Variants in VGLL3 observed in about 807,000 individuals in gnomAD.
VGLL3 encodes the protein vestigial like family member 3.
VGLL3 carries 18 observed loss-of-function variants against 29.2 expected under a neutral mutation model. The observed-to-expected ratio is 0.62, with a 90% CI of 0.43 to 0.91. The LOEUF is 0.91. VGLL3 is among the 40% of genes least tolerant of loss of function. The pLI is 0.00. For missense variants in VGLL3, 440 were observed against 413.2 expected (o/e 1.06, Z -0.56); for synonymous variants, 180 against 151.8 (o/e 1.19, Z -1.36).
intron 1 of VGLL3, among the ~76,000 whole-genome samples, chr3:86,986,230 G>A (rs1705438591): frequency 6.6e-6 from 1 of 152,076 alleles, no homozygotes; most frequent in South Asian, 2.1e-4. Flanking sequence ...AGATAAGGTA[G>A]AACTTCCTTG....
At position 86,990,866 on chromosome 3, in the gene VGLL3, G is replaced by A; in HGVS notation, c.-123C>T. On this transcript the variant is annotated 5_prime_UTR_variant, in exon 1 of 4. Transcript: ENST00000398399. ...TCGCTGCTCCAGCTGCTACTGCGGCGAAGGCGGGTCCTCGGCGGCCTCGGG... is the reference window on the plus strand; with the variant it reads ...TCGCTGCTCCAGCTGCTACTGCGGCAAAGGCGGGTCCTCGGCGGCCTCGGG... 8.6e-7 allele frequency: 1 copy of A among 1,156,456 alleles called. No individual in the cohort carries two copies. The highest frequency in any genetic ancestry group is 1.1e-6 in the Non-Finnish European group (1 of 932,024). 71.6% of individuals were successfully genotyped at this position (1,156,456 alleles called of 1,614,324 possible).
At chr3:86,954,398 A>G (rs984197240) in intron 3 of VGLL3, among the ~76,000 whole-genome samples, 2 of 152,070 alleles carry the variant, frequency 1.3e-5, no homozygotes, top group Non-Finnish European at 2.9e-5. Context: ...CTCTCTCAGT[A>G]CCCACCTCCC....
At chr3:86,964,599 GA>G (rs1471067474) in intron 3 of VGLL3, among the ~76,000 whole-genome samples, 1 of 152,184 alleles carries the variant, frequency 6.6e-6, no homozygotes, top group East Asian at 1.9e-4. Flanking sequence ...TATGAGGGTG[GA>G]GGCCTCATGA....
chr3:86,964,199 A>C (rs1295530633), intron 3 of VGLL3, among the ~76,000 whole-genome samples: 2 of 152,206 alleles, frequency 1.3e-5, no homozygotes, highest in East Asian at 3.9e-4. Flanking sequence ...GAACACAACT[A>C]TCTTCATATA....
chr3:86,946,870 T>G lies in VGLL3; in HGVS notation c.*154A>C. ...AATGTCTGGGACCCACTTTGCTTTC[T>G]CAAGAAAGGCCGAAAACCAGTCAAC... On this transcript the variant is annotated 3_prime_UTR_variant, in exon 4 of 4. Transcript: ENST00000398399. The G allele has an allele frequency of 5.0e-6, 3 of 597,592 alleles. No homozygotes were observed. The East Asian group carries it at 8.4e-5, about 17-fold the overall frequency. The allele number at this position is 597,592 out of a possible 1,614,324, so 37.0% of individuals were successfully genotyped here.
rs1477125238 is a variant in VGLL3, at chr3:86,941,014, T to G, written c.*6010A>C. Reference sequence around the variant, plus strand: ...TATTGTTAGTTTTCAGTTTACCTAATCAAGTGACAAATATAAAATTCACTA... The same window carrying G: ...TATTGTTAGTTTTCAGTTTACCTAAGCAAGTGACAAATATAAAATTCACTA... On this transcript the variant is annotated 3_prime_UTR_variant, in exon 4 of 4. Transcript: ENST00000398399. 6.6e-6 allele frequency: 1 copy of G among 152,372 alleles called. No homozygotes were observed. Among genetic ancestry groups the G allele is most frequent in the Non-Finnish European group, 1.5e-5 (1 of 67,874 alleles). The allele number at this position is 152,372 out of a possible 1,614,324, so 9.4% of individuals were successfully genotyped here.
intron 3 of VGLL3, chr3:86,961,995 AT>A: frequency 8.1e-6 from 8 of 982,956 alleles, no homozygotes; most frequent in Non-Finnish European, 9.7e-6. Context: ...ATGGTAGGCA[AT>A]GTAAATAAAT....
At chr3:86,958,448 A>G (rs930476532) in intron 3 of VGLL3, among the ~76,000 whole-genome samples, 5 of 152,216 alleles carry the variant, frequency 3.3e-5, no homozygotes. Flanking sequence ...ATGCAAGCAC[A>G]TCCTAAAACA....
rs894366316 is a variant in VGLL3 at position 86,990,931 on chromosome 3, G to T, written c.-188C>A. On this transcript the variant is annotated 5_prime_UTR_variant, in exon 1 of 4. In the 5' UTR this introduces an upstream ATG that the reference lacks. Coordinates refer to ENST00000398399, the MANE Select transcript of VGLL3 (RefSeq NM_016206.4). Reference sequence around the variant, plus strand: ...CGGGGTCGGGAGGGACTGGCAATCAGCGGGGGCCCATGCGCGGGCACCTTC... The same window carrying T: ...CGGGGTCGGGAGGGACTGGCAATCATCGGGGGCCCATGCGCGGGCACCTTC... 4.6e-6 allele frequency: 5 copies of T among 1,093,440 alleles called. No homozygotes were observed. The highest frequency in any genetic ancestry group is 5.2e-5 in the Admixed American group (1 of 19,368). The allele number at this position is 1,093,440 out of a possible 1,614,324, so 67.7% of individuals were successfully genotyped here.
intron 3 of VGLL3, chr3:86,962,392 A>C: frequency 1.0e-6 from 1 of 985,284 alleles, no homozygotes; most frequent in Non-Finnish European, 1.2e-6. Context: ...GATCCTTTTA[A>C]ATTTTGTGCC....
chr3:86,950,628 A>T (rs1350942725), intron 3 of VGLL3, among the ~76,000 whole-genome samples: 1 of 152,236 alleles, frequency 6.6e-6, no homozygotes, highest in Non-Finnish European at 1.5e-5. Context: ...TGATATGAAG[A>T]TTAACAAAAC....
chr3:86,954,560 C>G (rs902500218), intron 3 of VGLL3, among the ~76,000 whole-genome samples: 5 of 152,124 alleles, frequency 3.3e-5, no homozygotes, highest in African/African-American at 1.2e-4. Context: ...CAAATCTGAA[C>G]CAGTTGTTTA....
Position 86,990,753 on chromosome 3 carries a change from G to C in VGLL3, c.-10C>G. On this transcript the variant is annotated 5_prime_UTR_variant, in exon 1 of 4. Coordinates refer to ENST00000398399, the MANE Select transcript of VGLL3 (RefSeq NM_016206.4). ...CCTCCGCACAACTCATGGCAGCCGG[G>C]GCAGTGGCGGCCCCCGAGCTGCCGC... 7.5e-7 allele frequency: 1 copy of C among 1,331,476 alleles called. No individual in the cohort carries two copies. Among genetic ancestry groups the C allele is most frequent in the Non-Finnish European group, 9.6e-7 (1 of 1,039,200 alleles). 82.5% of individuals were successfully genotyped at this position (1,331,476 alleles called of 1,614,324 possible). A position where few individuals can be genotyped will look rare whatever the true frequency, so the allele number is the denominator to read the frequency against.
At chr3:86,978,837 C>G (rs1242543545) in intron 1 of VGLL3, 35 bp from the exon 2 acceptor site, 1 of 1,530,120 alleles carries the variant, frequency 6.5e-7, no homozygotes, top group Admixed American at 2.1e-5. Flanking sequence ...GTATCAAAGA[C>G]AGTTTGTAGA....
chr3:86,990,608 G>A lies in VGLL3; in HGVS notation c.126+10C>T, dbSNP rs529724357. On this transcript the variant is annotated intron_variant, in intron 1 of 3. Transcript: ENST00000398399. ...CCCGCCCCCAGCAGGCTGCCCGTCC[G>A]GTGACTCACCTGCTGGCCAGGTTGG... is the stretch of plus-strand genomic sequence containing the variant. The A allele has an allele frequency of 2.5e-5, 33 of 1,341,138 alleles. No homozygotes were observed. The South Asian group carries it at 7.0e-4, about 29-fold the overall frequency. 83.1% of individuals were successfully genotyped at this position (1,341,138 alleles called of 1,614,324 possible).
At chr3:86,956,792 CA>C (rs55781336) in intron 3 of VGLL3, among the ~76,000 whole-genome samples, 17,157 of 90,902 alleles carry the variant, frequency 0.19, 666 homozygotes, top group African/African-American at 0.3. Context: ...CCCACCGTCC[CA>C]AAAAAAAAAA....
At chr3:86,976,689 C>T (rs1173325391) in intron 2 of VGLL3, among the ~76,000 whole-genome samples, 1 of 152,164 alleles carries the variant, frequency 6.6e-6, no homozygotes, top group Non-Finnish European at 1.5e-5. Context: ...AGGGTTTCTG[C>T]ACATTCACAA....
At chr3:86,978,367 C>A (rs779252043) in intron 2 of VGLL3, among the ~76,000 whole-genome samples, 159 bp downstream of exon 2, 2 of 152,128 alleles carry the variant, frequency 1.3e-5, no homozygotes, top group Non-Finnish European at 2.9e-5. Context: ...GTGACAAAAC[C>A]GATCCAGCTG....
chr3:86,946,042 C>T lies in VGLL3; in HGVS notation c.*982G>A, dbSNP rs1704499359. On this transcript the variant is annotated 3_prime_UTR_variant, in exon 4 of 4. Transcript: ENST00000398399. ...ATTGCCATGAATGAATAATTAAAAA[C>T]AAGTAAAATAAGTCACTGGCACTCA... 6.6e-6 allele frequency: 1 copy of T among 151,994 alleles called. No individual in the cohort carries two copies. The highest frequency in any genetic ancestry group is 1.5e-5 in the Non-Finnish European group (1 of 67,980). The allele number at this position is 151,994 out of a possible 1,614,324, so 9.4% of individuals were successfully genotyped here.
Sources: allele counts gnomAD v4.1 joint callset (sites outside exome capture counted in the v4.1 genomes callset), GRCh38; gene constraint gnomAD v4.1.1; transcripts MANE v1.5; gene names NCBI Gene and HGNC (gene_info 2026-07-23, HGNC 2026-07-21).